The following CEP63 variants were observed in gnomAD, a reference collection of about 807,000 sequenced individuals.
CEP63 encodes centrosomal protein 63.
Under a neutral mutation model 89.1 loss-of-function variants are expected in CEP63, and 84 were observed. That is an observed-to-expected ratio of 0.94 (90% CI 0.79 to 1.13). CEP63 has a LOEUF of 1.13. Among genes scored for constraint, CEP63 ranks in the 50% most tolerant of loss-of-function variants. The pLI is 0.00. For synonymous variants in CEP63, 267 were observed against 272.5 expected (o/e 0.98, Z 0.20); for missense variants, 838 against 813.3 (o/e 1.03, Z -0.37).
At chr3:134,776,951 C>T in the CEP63 span, among the ~76,000 whole-genome samples, 5 of 152,204 alleles carry the variant, frequency 3.3e-5, no homozygotes, top group African/African-American at 1.2e-4. Context: ...GGATCCAGGA[C>T]TGCCTCATTC....
At chr3:134,771,393 G>A in the CEP63 span, among the ~76,000 whole-genome samples, 1 of 152,218 alleles carries the variant, frequency 6.6e-6, no homozygotes, top group African/African-American at 2.4e-5. Context: ...TCACTCATAA[G>A]TGGCAGTTGA....
At chr3:134,667,428 C>T in the CEP63 span, among the ~76,000 whole-genome samples, 1 of 152,168 alleles carries the variant, frequency 6.6e-6, no homozygotes, top group Non-Finnish European at 1.5e-5. Context: ...GAGTTGGTCA[C>T]AGTCTTCAGA....
chr3:134,537,051 G>A, intron 5 of CEP63, 104 bp from the exon 6 acceptor site: 1 of 783,484 alleles, frequency 1.3e-6, no homozygotes, highest in Non-Finnish European at 2.3e-6. Context: ...AAAGGTGCAA[G>A]CGTACCCAGG....
the CEP63 span, among the ~76,000 whole-genome samples, chr3:134,742,604 T>A: frequency 6.6e-6 from 1 of 152,240 alleles, no homozygotes; most frequent in African/African-American, 2.4e-5. Flanking sequence ...TCCTGAATGC[T>A]ATGGTTTAGT....
At chr3:134,692,416 T>C in the CEP63 span, among the ~76,000 whole-genome samples, 1 of 151,990 alleles carries the variant, frequency 6.6e-6, no homozygotes, top group African/African-American at 2.4e-5. Flanking sequence ...TCCAGCTTCA[T>C]TCATGTCCCT....
chr3:134,504,023 C>T (rs1017475605), intron 2 of CEP63, among the ~76,000 whole-genome samples: 3 of 151,436 alleles, frequency 2.0e-5, no homozygotes, highest in East Asian at 1.9e-4. Context: ...TAACTCTTGT[C>T]GTTTTGTTAA....
At chr3:134,763,718 G>C in the CEP63 span, among the ~76,000 whole-genome samples, 1 of 152,206 alleles carries the variant, frequency 6.6e-6, no homozygotes. Flanking sequence ...GTCTTCATTA[G>C]ATATCTGAGA....
At chr3:134,610,376 C>T in the CEP63 span, 58 of 1,611,070 alleles carry the variant, frequency 3.6e-5, no homozygotes, top group Middle Eastern at 3.3e-4. Context: ...CACTGCACTC[C>T]GGCGAGCCTG....
chr3:134,688,741 C>T, the CEP63 span, among the ~76,000 whole-genome samples: 1 of 152,156 alleles, frequency 6.6e-6, no homozygotes, highest in Admixed American at 6.5e-5. Flanking sequence ...CTCCTCCACC[C>T]ACTTCCCCAC....
At chr3:134,559,771 A>G (rs1957007345) in intron 14 of CEP63, among the ~76,000 whole-genome samples, 2 of 152,318 alleles carry the variant, frequency 1.3e-5, no homozygotes, top group South Asian at 4.1e-4. Context: ...AGGCACAGGC[A>G]GTGAAGGAGG....
the CEP63 span, among the ~76,000 whole-genome samples, chr3:134,762,349 A>C: frequency 6.6e-6 from 1 of 152,140 alleles, no homozygotes; most frequent in African/African-American, 2.4e-5. Flanking sequence ...GCGGTGTATC[A>C]GGTAACATTG....
the CEP63 span, among the ~76,000 whole-genome samples, chr3:134,721,602 T>G: frequency 6.6e-6 from 1 of 152,130 alleles, no homozygotes; most frequent in African/African-American, 2.4e-5. Flanking sequence ...AGCTGTGGAT[T>G]TAAAAAGAAA....
At chr3:134,645,606 C>T in the CEP63 span, among the ~76,000 whole-genome samples, 1 of 152,204 alleles carries the variant, frequency 6.6e-6, no homozygotes, top group African/African-American at 2.4e-5. Flanking sequence ...TGCAAACGTA[C>T]CATTTGAAAA....
At chr3:134,554,408 T>C (rs930843598) in intron 12 of CEP63, among the ~76,000 whole-genome samples, 1 of 147,820 alleles carries the variant, frequency 6.8e-6, no homozygotes, top group Non-Finnish European at 1.5e-5. Flanking sequence ...ACAAAGGACA[T>C]GAACTCATCA....
chr3:134,618,059 G>A, the CEP63 span, among the ~76,000 whole-genome samples: 1 of 152,286 alleles, frequency 6.6e-6, no homozygotes, highest in East Asian at 1.9e-4. Flanking sequence ...ACCCACCGTG[G>A]CTGCGTCTGG....
intron 3 of CEP63, among the ~76,000 whole-genome samples, chr3:134,524,515 G>A (rs1203972540): frequency 6.6e-6 from 1 of 152,134 alleles, no homozygotes; most frequent in Non-Finnish European, 1.5e-5. Context: ...TTGGCTTTGG[G>A]TTTGTCATAG....
the CEP63 span, among the ~76,000 whole-genome samples, chr3:134,744,606 C>T: frequency 1.3e-5 from 2 of 152,172 alleles, no homozygotes; most frequent in Admixed American, 1.3e-4. Flanking sequence ...CCTTGAACTC[C>T]TGGACTCATG....
chr3:134,769,573 G>A, the CEP63 span, among the ~76,000 whole-genome samples: 1 of 152,206 alleles, frequency 6.6e-6, no homozygotes, highest in Non-Finnish European at 1.5e-5. Context: ...TACTGGCCAG[G>A]TGCCTTGTAC....
chr3:134,694,731 C>T, the CEP63 span, among the ~76,000 whole-genome samples: 4 of 152,320 alleles, frequency 2.6e-5, no homozygotes, highest in South Asian at 8.3e-4. Flanking sequence ...TTTCAGCATT[C>T]AGCTCCCCCT....
Sources: gnomAD v4.1 joint callset for allele counts (sites outside exome capture counted in the v4.1 genomes callset) on GRCh38, gnomAD v4.1.1 for gene constraint, MANE v1.5 for transcripts, NCBI Gene and HGNC (gene_info 2026-07-23, HGNC 2026-07-21) for gene names.